The following LGSN variants were observed in gnomAD, a reference collection of about 807,000 sequenced individuals.
LGSN encodes the protein lengsin, lens protein with glutamine synthetase domain, also known as lengsin.
In LGSN, 21 loss-of-function variants were observed where a neutral mutation model predicts 19.5. That is an observed-to-expected ratio of 1.07 (90% CI 0.76 to 1.55). The LOEUF (loss-of-function observed/expected upper bound fraction) is 1.55. Among genes scored for constraint, LGSN ranks in the 40% most tolerant of loss-of-function variants. The pLI is 0.00. For synonymous variants in LGSN, 257 were observed against 215.6 expected, an observed-to-expected ratio of 1.19 and a Z score of -1.68; for missense variants, 673 against 608.5, an observed-to-expected ratio of 1.11 and a Z score of -1.12.
chr6:63,299,112 C>T (rs1768092023), intron 1 of LGSN, among the ~76,000 whole-genome samples: 1 of 152,182 alleles, frequency 6.6e-6, no homozygotes, highest in South Asian at 2.1e-4. Context: ...TAATGGGCTC[C>T]AACCTGAACT....
intron 1 of LGSN, among the ~76,000 whole-genome samples, chr6:63,314,443 G>A (rs1175863932): frequency 1.3e-5 from 2 of 152,136 alleles, no homozygotes; most frequent in Admixed American, 6.6e-5. Context: ...ACGGCAATTT[G>A]TTATATTAGC....
At chr6:63,295,734 G>A (rs1330040701) in intron 1 of LGSN, among the ~76,000 whole-genome samples, 1 of 152,108 alleles carries the variant, frequency 6.6e-6, no homozygotes, top group Non-Finnish European at 1.5e-5. Context: ...GCCCAGCAGG[G>A]AGCTAGGCAG....
the LGSN span, among the ~76,000 whole-genome samples, chr6:63,363,630 CA>C: frequency 6.6e-6 from 1 of 151,890 alleles, no homozygotes; most frequent in African/African-American, 2.4e-5. Flanking sequence ...TGAAATGAAG[CA>C]AGAAGAGAAT....
Position 63,280,367 on chromosome 6 carries a change from A to G in LGSN, c.1184T>C (p.Ile395Thr). The change falls in exon 4 of 4, where the codon ATC becomes ACC. Residue 395 changes from isoleucine (I) to threonine (T), a missense_variant. Coordinates refer to ENST00000370657, the MANE Select transcript of LGSN (RefSeq NM_016571.3). ...GYNDNSCIFNIKCHGEKGTRI... is the reference protein window; with the variant it reads ...GYNDNSCIFNTKCHGEKGTRI... ...GGTGCCTTTCTCTCCATGACATTTGATATTAAATATACAGCTGTTGTCATT... is the reference window on the plus strand; with the variant it reads ...GGTGCCTTTCTCTCCATGACATTTGGTATTAAATATACAGCTGTTGTCATT... 6.2e-7 allele frequency: 1 copy of G among 1,614,200 alleles called. No individual in the cohort carries two copies. The highest frequency in any genetic ancestry group is 8.5e-7 in the Non-Finnish European group (1 of 1,180,042).
rs1767227800 is a variant in LGSN at position 63,280,033 on chromosome 6, C to T, written c.1518G>A (p.Glu506=). The T allele has an allele frequency of 6.2e-7, 1 of 1,600,712 alleles. No homozygotes were observed. Among genetic ancestry groups the T allele is most frequent in the Non-Finnish European group, 8.5e-7 (1 of 1,173,450 alleles). ...EIAAERNKFL[E]YFI is the part of the protein sequence containing the mutation. Reference sequence around the variant, plus strand: ...TGTGAGCTCTATTCTAAATAAAATACTCTAAGAATTTATTTCTCTCTGCAG... The same window carrying T: ...TGTGAGCTCTATTCTAAATAAAATATTCTAAGAATTTATTTCTCTCTGCAG... Residue 506 remains glutamate (E), a synonymous_variant, in exon 4 of 4, where the codon GAG becomes GAA. Coordinates refer to ENST00000370657, the MANE Select transcript of LGSN (RefSeq NM_016571.3).
chr6:63,281,854 CCCTTGTCCATGAATGTGGA>C (rs1333304786), intron 3 of LGSN, among the ~76,000 whole-genome samples: 2 of 152,174 alleles, frequency 1.3e-5, no homozygotes, highest in African/African-American at 4.8e-5. Flanking sequence ...AGTCCCAGAA[CCCTTGTCCATGAATGTGGA>C]CCTATAACTC....
chr6:63,327,785 C>G, the LGSN span, among the ~76,000 whole-genome samples: 1 of 152,044 alleles, frequency 6.6e-6, no homozygotes, highest in South Asian at 2.1e-4. Flanking sequence ...CTTTTCCTCT[C>G]TCTGTCTCTT....
chr6:63,478,812 A>G, the LGSN span, among the ~76,000 whole-genome samples: 1 of 152,212 alleles, frequency 6.6e-6, no homozygotes, highest in Non-Finnish European at 1.5e-5. Flanking sequence ...GGTGTGCTTT[A>G]AGGTTGGTTT....
the LGSN span, among the ~76,000 whole-genome samples, chr6:63,358,726 T>A: frequency 3.0e-4 from 45 of 152,332 alleles, no homozygotes; most frequent in African/African-American, 1.1e-3. Context: ...CTTAAGGAGA[T>A]TTTGGGCTGA....
the LGSN span, among the ~76,000 whole-genome samples, chr6:63,375,382 T>C: frequency 2.0e-5 from 3 of 151,190 alleles, no homozygotes; most frequent in Admixed American, 1.3e-4. Flanking sequence ...TGTATAAGTG[T>C]TAGCTATTAT....
the LGSN span, among the ~76,000 whole-genome samples, chr6:63,510,135 C>A: frequency 6.6e-6 from 1 of 152,142 alleles, no homozygotes; most frequent in Non-Finnish European, 1.5e-5. Flanking sequence ...GAAGAACTGC[C>A]TGTATTCATT....
At chr6:63,346,377 G>A in the LGSN span, among the ~76,000 whole-genome samples, 4,162 of 151,570 alleles carry the variant, frequency 0.027, 206 homozygotes, top group African/African-American at 0.097. Flanking sequence ...AAAAGCTTCC[G>A]TAAAAATCCC....
chr6:63,280,366 G>A lies in LGSN; in HGVS notation c.1185C>T (p.Ile395=). 1.2e-6 allele frequency: 2 copies of A among 1,614,128 alleles called. No individual in the cohort carries two copies. Residue 395 remains isoleucine (I), a synonymous_variant, in exon 4 of 4, where the codon ATC becomes ATT. Transcript: ENST00000370657. ...GGGTGCCTTTCTCTCCATGACATTT[G>A]ATATTAAATATACAGCTGTTGTCAT... The part of the protein sequence containing the change: ...GYNDNSCIFN[I]KCHGEKGTRI...
chr6:63,472,659 G>T, the LGSN span, among the ~76,000 whole-genome samples: 21 of 152,162 alleles, frequency 1.4e-4, no homozygotes, highest in African/African-American at 5.1e-4. Flanking sequence ...GCCCAATTCG[G>T]GCCGGGCGCG....
the LGSN span, among the ~76,000 whole-genome samples, chr6:63,333,427 GA>G: frequency 6.9e-6 from 1 of 144,342 alleles, no homozygotes; most frequent in African/African-American, 2.6e-5. Context: ...GGCAAAAAAA[GA>G]AAAGAAAAGA....
the LGSN span, among the ~76,000 whole-genome samples, chr6:63,512,745 G>A: frequency 2.6e-5 from 4 of 152,104 alleles, no homozygotes; most frequent in African/African-American, 9.7e-5. Flanking sequence ...AGCAGTGTAA[G>A]GCAAATAGTT....
At chr6:63,327,974 G>A in the LGSN span, among the ~76,000 whole-genome samples, 1 of 152,138 alleles carries the variant, frequency 6.6e-6, no homozygotes, top group Non-Finnish European at 1.5e-5. Flanking sequence ...CATCCAGTGG[G>A]GGTTCCCAGA....
chr6:63,279,960 T>G lies in LGSN; in HGVS notation c.*61A>C. 6.9e-7 allele frequency: 1 copy of G among 1,443,062 alleles called. No homozygotes were observed. The allele number at this position is 1,443,062 out of a possible 1,614,324, so 89.4% of individuals were successfully genotyped here. On this transcript the variant is annotated 3_prime_UTR_variant, in exon 4 of 4. Coordinates refer to ENST00000370657, the MANE Select transcript of LGSN (RefSeq NM_016571.3). ...TAATTACAAAAGTTCAGTCTTTTTG[T>G]TTTGGTAGATTAGCTTTAAGTAACA...
chr6:63,477,029 A>G, the LGSN span, among the ~76,000 whole-genome samples: 1 of 152,244 alleles, frequency 6.6e-6, no homozygotes, highest in Non-Finnish European at 1.5e-5. Flanking sequence ...CAGATGGAAA[A>G]TAAGTTCTCT....
Sources: gnomAD v4.1 joint callset for allele counts (sites outside exome capture counted in the v4.1 genomes callset) on GRCh38, gnomAD v4.1.1 for gene constraint, MANE v1.5 for transcripts, NCBI Gene and HGNC (gene_info 2026-07-23, HGNC 2026-07-21) for gene names.